Variants in KIF21A observed in about 807,000 individuals in gnomAD.
KIF21A encodes the protein kinesin family member 21A, also known as kinesin-like protein KIF21A.
Under a neutral mutation model 202.9 loss-of-function variants are expected in KIF21A, and 114 were observed. The ratio of observed to expected loss-of-function variants is 0.56; its 90% CI spans 0.48 to 0.66. The LOEUF (loss-of-function observed/expected upper bound fraction) is 0.66, where lower values mean the gene tolerates loss of function less well. Among genes scored for constraint, KIF21A ranks in the 30% least tolerant of loss-of-function variants. The pLI is 0.00. For synonymous variants in KIF21A, 667 were observed against 670.8 expected (o/e 0.99, Z 0.09); for missense variants, 1,677 against 1,994.9 (o/e 0.84, Z 3.04).
In KIF21A at chr12:39,340,356, C is replaced by T. The variant is rs1947339962; in HGVS notation, c.2119G>A (p.Glu707Lys). ...TTTGCTTTTTCTTCTGAGTAAGATT[C>T]TACCGAGCCTAAATGACCAGAGGAC... ...DQVLQNLGSV[E>K]SYSEEKAKKV... Residue 707 changes from glutamate (E) to lysine (K), a missense_variant, in exon 16 of 38, where the codon GAA becomes AAA. Coordinates refer to ENST00000361418, the MANE Select transcript of KIF21A (RefSeq NM_001173464.2). 1 of 1,604,534 alleles carries T rather than the reference C, an allele frequency of 6.2e-7. No individual in the cohort carries two copies. Among genetic ancestry groups the T allele is most frequent in the Non-Finnish European group, 8.5e-7 (1 of 1,174,220 alleles).
At chr12:39,395,874 A>G (rs1034259355) in intron 1 of KIF21A, among the ~76,000 whole-genome samples, 1 of 148,460 alleles carries the variant, frequency 6.7e-6, no homozygotes, top group African/African-American at 2.5e-5. Context: ...AAGAAAAATC[A>G]CCCACTTTCT....
chr12:39,435,481 T>A (rs1938558842), intron 1 of KIF21A, among the ~76,000 whole-genome samples: 2 of 151,362 alleles, frequency 1.3e-5, no homozygotes, highest in South Asian at 4.2e-4. Context: ...GGATTTAGGA[T>A]GCTTTTGGGG....
At chr12:39,307,444 G>T in intron 34 of KIF21A, 121 bp downstream of exon 34, 1 of 837,654 alleles carries the variant, frequency 1.2e-6, no homozygotes, top group East Asian at 2.6e-5. Context: ...GAATAAAAAA[G>T]CCTATGATTT....
intron 1 of KIF21A, among the ~76,000 whole-genome samples, chr12:39,387,671 C>T (rs1016378372): frequency 6.6e-6 from 1 of 152,024 alleles, no homozygotes; most frequent in Non-Finnish European, 1.5e-5. Context: ...ATATTGGATC[C>T]GTATGTGGGC....
At chr12:39,336,070 A>C (rs1050740581) in intron 17 of KIF21A, among the ~76,000 whole-genome samples, 14 of 152,162 alleles carry the variant, frequency 9.2e-5, no homozygotes, top group African/African-American at 1.4e-4. Context: ...ACCAATAATA[A>C]GGGAAAAAGT....
At chr12:39,383,790 C>T (rs1402948330) in intron 1 of KIF21A, among the ~76,000 whole-genome samples, 1 of 151,802 alleles carries the variant, frequency 6.6e-6, no homozygotes, top group Non-Finnish European at 1.5e-5. Flanking sequence ...CAGAATGAGA[C>T]ATCTCAAAAA....
At chr12:39,325,995 G>T in intron 25 of KIF21A, 102 bp from the exon 26 acceptor site, 1 of 808,336 alleles carries the variant, frequency 1.2e-6, no homozygotes, top group Admixed American at 2.2e-5. Context: ...ATATGCCTAT[G>T]GGAAATACAG....
At position 39,294,305 on chromosome 12, in the gene KIF21A, A is replaced by T; in HGVS notation, c.*119T>A. 4.1e-6 allele frequency: 3 copies of T among 738,462 alleles called. No individual in the cohort carries two copies. Among genetic ancestry groups the T allele is most frequent in the Non-Finnish European group, 7.3e-6 (3 of 408,484 alleles). 45.7% of individuals were successfully genotyped at this position (738,462 alleles called of 1,614,324 possible). On this transcript the variant is annotated 3_prime_UTR_variant, in exon 38 of 38. Transcript: ENST00000361418. ...ATTTATAGTCAGCAGTTGAATTCAGATATATTTTCCAGTTAATCCGATTCA... is the reference window on the plus strand; with the variant it reads ...ATTTATAGTCAGCAGTTGAATTCAGTTATATTTTCCAGTTAATCCGATTCA...
rs78115754 is a variant in KIF21A at position 39,298,942 on chromosome 12, C to G, written c.4931+2538G>C. The stretch of plus-strand genomic sequence containing the variant: ...TTCTAAGGACTAAATGAGTTAATGT[C>G]TGCAAAGCAGTTAGAACAATGCCTC... On this transcript the variant is annotated intron_variant, in intron 37 of 37. Coordinates refer to ENST00000361418, the MANE Select transcript of KIF21A (RefSeq NM_001173464.2). Among the ~76,000 whole-genome samples the G allele has an allele frequency of 1.9e-4, 29 of 152,272 alleles. 1 individual carries two copies. The East Asian group carries it at 5.2e-3, about 27-fold the overall frequency.
intron 1 of KIF21A, among the ~76,000 whole-genome samples, chr12:39,427,958 C>G (rs1206272290): frequency 6.6e-6 from 1 of 152,136 alleles, no homozygotes; most frequent in African/African-American, 2.4e-5. Flanking sequence ...CCGCGCCCAG[C>G]CACATCTTTT....
chr12:39,302,941 T>G lies in KIF21A; in HGVS notation c.4731+24A>C, dbSNP rs750303461. On this transcript the variant is annotated intron_variant, in intron 36 of 37. Coordinates refer to ENST00000361418, the MANE Select transcript of KIF21A (RefSeq NM_001173464.2). The stretch of plus-strand genomic sequence containing the variant: ...GGATTGTGTTGAAATGCCCACTCTA[T>G]ACCATGAAAAGGTTCTGCATTACCT... 3.1e-6 allele frequency: 5 copies of G among 1,604,906 alleles called. No individual in the cohort carries two copies. In the African/African-American group the frequency reaches 6.7e-5, roughly 21 times the overall value.
chr12:39,311,110 A>T (rs923770805), intron 32 of KIF21A, among the ~76,000 whole-genome samples: 1 of 151,986 alleles, frequency 6.6e-6, no homozygotes, highest in African/African-American at 2.4e-5. Context: ...CATATTGTAT[A>T]TTTAAATAGC....
intron 37 of KIF21A, among the ~76,000 whole-genome samples, chr12:39,299,087 T>G (rs1164218990): frequency 6.6e-6 from 1 of 152,180 alleles, no homozygotes; most frequent in Non-Finnish European, 1.5e-5. Context: ...GTAGACATAT[T>G]TGCATGTGAT....
At chr12:39,395,596 C>T (rs1431102596) in intron 1 of KIF21A, among the ~76,000 whole-genome samples, 1 of 152,044 alleles carries the variant, frequency 6.6e-6, no homozygotes, top group African/African-American at 2.4e-5. Context: ...AATCCCAGCA[C>T]TTTGGGAGGC....
intron 4 of KIF21A, among the ~76,000 whole-genome samples, chr12:39,367,662 T>G (rs937636897): frequency 6.6e-6 from 1 of 152,210 alleles, no homozygotes; most frequent in African/African-American, 2.4e-5. Flanking sequence ...TTGCCTTAGA[T>G]TCTTTTGATG....
At chr12:39,342,398 C>A (rs1378539708) in intron 12 of KIF21A, among the ~76,000 whole-genome samples, 1 of 152,084 alleles carries the variant, frequency 6.6e-6, no homozygotes, top group African/African-American at 2.4e-5. Context: ...CCTCGACACC[C>A]CTAAGAACTA....
chr12:39,437,125 T>C (rs922971323), intron 1 of KIF21A, among the ~76,000 whole-genome samples: 1 of 152,122 alleles, frequency 6.6e-6, no homozygotes, highest in Non-Finnish European at 1.5e-5. Flanking sequence ...TGAGGAGAAA[T>C]TGATGAGAAT....
intron 21 of KIF21A, 36 bp downstream of exon 21, chr12:39,332,178 T>A: frequency 6.3e-7 from 1 of 1,579,694 alleles, no homozygotes. Flanking sequence ...AAAGTACTTT[T>A]CATTAAACCA....
At chr12:39,380,715 A>C (rs1296527992) in intron 1 of KIF21A, among the ~76,000 whole-genome samples, 2 of 152,148 alleles carry the variant, frequency 1.3e-5, no homozygotes, top group Admixed American at 6.5e-5. Flanking sequence ...AGAAAGAAGA[A>C]GGAAAGAAGG....
Sources: allele counts gnomAD v4.1 joint callset (sites outside exome capture counted in the v4.1 genomes callset), GRCh38; gene constraint gnomAD v4.1.1; transcripts MANE v1.5; gene names NCBI Gene and HGNC (gene_info 2026-07-23, HGNC 2026-07-21).